Variants in MYLK observed in about 807,000 individuals in gnomAD.
MYLK encodes the protein myosin light chain kinase, smooth muscle.
In MYLK, 106 loss-of-function variants were observed where a neutral mutation model predicts 203.4. That is an observed-to-expected ratio of 0.52 (90% CI 0.45 to 0.61). The LOEUF is 0.61. Ranked by LOEUF, MYLK falls within the 20% of genes least tolerant of loss-of-function variation. The pLI, the probability that MYLK is intolerant of heterozygous loss-of-function variation, is 0.00. For missense variants in MYLK, 2,072 were observed against 2,442.3 expected (o/e 0.85, Z 3.20); for synonymous variants, 867 against 959.5 (o/e 0.90, Z 1.78).
chr3:123,779,021 G>C (rs370516309), intron 4 of MYLK, among the ~76,000 whole-genome samples: 3 of 152,212 alleles, frequency 2.0e-5, no homozygotes, highest in African/African-American at 7.2e-5. Context: ...GGTATGACTT[G>C]AGTTTATGAC....
chr3:123,798,134 A>G lies in MYLK; in HGVS notation c.-3-4290T>C, dbSNP rs533094773. Among the ~76,000 whole-genome samples, 8 of 152,372 alleles carry G rather than the reference A, an allele frequency of 5.3e-5. No homozygotes were observed. The East Asian group carries it at 1.5e-3, about 29-fold the overall frequency. On this transcript the variant is annotated intron_variant, in intron 3 of 33. Coordinates refer to ENST00000360304, the MANE Select transcript of MYLK (RefSeq NM_053025.4). ...GACATCATGCTGGGCACCCATCTCAATCAGAAAGAGCAGTTCTAATGATCA... is the reference window on the plus strand; with the variant it reads ...GACATCATGCTGGGCACCCATCTCAGTCAGAAAGAGCAGTTCTAATGATCA...
intron 31 of MYLK, chr3:123,620,736 G>T: frequency 1.5e-6 from 1 of 684,898 alleles, no homozygotes; most frequent in Non-Finnish European, 1.9e-6. Flanking sequence ...AACAATGCCA[G>T]TGATGTGATT....
chr3:123,827,866 G>T (rs1266839656), intron 3 of MYLK, among the ~76,000 whole-genome samples: 7 of 148,300 alleles, frequency 4.7e-5, no homozygotes, highest in African/African-American at 7.4e-5. Flanking sequence ...TAGCTGAAAA[G>T]AAATCAAGAA....
chr3:123,799,612 A>G (rs2065121061), intron 3 of MYLK, among the ~76,000 whole-genome samples: 1 of 152,164 alleles, frequency 6.6e-6, no homozygotes, highest in Non-Finnish European at 1.5e-5. Flanking sequence ...CTCCAACAAC[A>G]GCACACATCA....
intron 2 of MYLK, among the ~76,000 whole-genome samples, chr3:123,840,503 C>T (rs896414933): frequency 6.6e-6 from 1 of 150,934 alleles, no homozygotes; most frequent in Non-Finnish European, 1.5e-5. Flanking sequence ...CACTGAAAGA[C>T]ACAAACTACC....
chr3:123,799,591 G>C (rs528250089), intron 3 of MYLK, among the ~76,000 whole-genome samples: 1 of 152,086 alleles, frequency 6.6e-6, no homozygotes, highest in Non-Finnish European at 1.5e-5. Context: ...GCAGTCTACC[G>C]TGAACCCTAC....
intron 23 of MYLK, among the ~76,000 whole-genome samples, chr3:123,657,795 TGA>T (rs1039651111): frequency 6.6e-6 from 1 of 152,174 alleles, no homozygotes; most frequent in Non-Finnish European, 1.5e-5. Flanking sequence ...AAACATGTTT[TGA>T]GAGAGAGAGT....
intron 3 of MYLK, among the ~76,000 whole-genome samples, chr3:123,795,848 A>C (rs960494045): frequency 3.5e-4 from 53 of 152,338 alleles, no homozygotes; most frequent in African/African-American, 1.1e-3. Flanking sequence ...CTTAAGTCCT[A>C]TGCTGTGAGT....
intron 4 of MYLK, among the ~76,000 whole-genome samples, chr3:123,771,051 T>C (rs1424906218): frequency 1.3e-5 from 2 of 152,218 alleles, no homozygotes; most frequent in Non-Finnish European, 2.9e-5. Context: ...ACTGAATGTA[T>C]AAAGGTGAGA....
intron 4 of MYLK, among the ~76,000 whole-genome samples, chr3:123,766,118 T>C (rs1370854029): frequency 6.6e-6 from 1 of 152,248 alleles, no homozygotes; most frequent in Non-Finnish European, 1.5e-5. Context: ...TGAGCCAATA[T>C]ATAAAAATCT....
chr3:123,677,916 T>TATATATATATATAC (rs1553793546), intron 20 of MYLK, among the ~76,000 whole-genome samples: 7 of 94,768 alleles, frequency 7.4e-5, no homozygotes, highest in Non-Finnish European at 1.4e-4. Flanking sequence ...TATATATATA[T>TATATATATATATAC]ATACACACAC....
chr3:123,653,911 C>T (rs2059300207), intron 24 of MYLK, among the ~76,000 whole-genome samples: 1 of 152,080 alleles, frequency 6.6e-6, no homozygotes, highest in Admixed American at 6.6e-5. Flanking sequence ...ATCCTAACAC[C>T]ACAGACTGGA....
chr3:123,731,270 A>C (rs1024665297), intron 11 of MYLK, among the ~76,000 whole-genome samples: 3 of 152,338 alleles, frequency 2.0e-5, no homozygotes, highest in Admixed American at 2.0e-4. Flanking sequence ...ACAACAGTTA[A>C]AATCCCAGTG....
chr3:123,740,293 T>G (rs1465726135), intron 5 of MYLK, among the ~76,000 whole-genome samples: 1 of 151,946 alleles, frequency 6.6e-6, no homozygotes, highest in Non-Finnish European at 1.5e-5. Flanking sequence ...TCAGTAACAG[T>G]GCAGAAATTC....
chr3:123,811,873 T>C (rs563969609), intron 3 of MYLK, among the ~76,000 whole-genome samples: 1 of 152,324 alleles, frequency 6.6e-6, no homozygotes, highest in South Asian at 2.1e-4. Flanking sequence ...TTCACATACT[T>C]ATTTGTATCA....
At chr3:123,844,562 T>C (rs907798773) in intron 2 of MYLK, among the ~76,000 whole-genome samples, 1 of 99,244 alleles carries the variant, frequency 1.0e-5, no homozygotes, top group Non-Finnish European at 2.0e-5. Context: ...ACTTAACCTT[T>C]CTAAGCCTGT....
intron 13 of MYLK, chr3:123,716,420 C>T (rs181545090): frequency 2.0e-5 from 3 of 152,248 alleles, no homozygotes; most frequent in Admixed American, 1.3e-4. Context: ...TTTCTTTTGG[C>T]CTCCCTTCCT....
In MYLK at chr3:123,612,280, G is replaced by GAGA. The variant is rs556585480; in HGVS notation, c.*1822_*1824dup. 4.6e-5 allele frequency: 7 copies of GAGA among 152,780 alleles called. No individual in the cohort carries two copies. Among genetic ancestry groups the GAGA allele is most frequent in the Non-Finnish European group, 8.8e-5 (6 of 68,046 alleles). The allele number at this position is 152,780 out of a possible 1,614,324, so 9.5% of individuals were successfully genotyped here. ...TTACAACTGGTAGCATGGAAAGAAA[G>GAGA]AGAAGTCTGCAAAGATTGAACAAAC... On this transcript the variant is annotated 3_prime_UTR_variant, in exon 34 of 34. Transcript: ENST00000360304.
intron 13 of MYLK, among the ~76,000 whole-genome samples, chr3:123,713,274 C>T (rs2061769771): frequency 6.6e-6 from 1 of 152,180 alleles, no homozygotes; most frequent in East Asian, 1.9e-4. Context: ...CAAGGTGGGA[C>T]CCAGTCCCAA....
Sources: gnomAD v4.1 joint callset for allele counts (sites outside exome capture counted in the v4.1 genomes callset) on GRCh38, gnomAD v4.1.1 for gene constraint, MANE v1.5 for transcripts, NCBI Gene and HGNC (gene_info 2026-07-23, HGNC 2026-07-21) for gene names.